The following KCNG1 variants were observed in gnomAD, a reference collection of about 807,000 sequenced individuals.
KCNG1 encodes voltage-gated potassium channel regulatory subunit KCNG1.
KCNG1 carries 17 observed loss-of-function variants against 32.4 expected under a neutral mutation model. That is an observed-to-expected ratio of 0.52 (90% CI 0.36 to 0.79). KCNG1 has a LOEUF of 0.79. Among genes scored for constraint, KCNG1 ranks in the 30% least tolerant of loss-of-function variants. KCNG1 has a pLI of 0.00. For synonymous variants in KCNG1, 358 were observed against 339.9 expected (o/e 1.05, Z -0.59); for missense variants, 441 against 735.2 (o/e 0.60, Z 4.63).
At position 51,015,848 on chromosome 20, in the gene KCNG1, A is replaced by C. The variant is rs1988263218; in HGVS notation, c.-26-5484T>G. On this transcript the variant is annotated intron_variant, in intron 1 of 2. Coordinates refer to ENST00000371571, the MANE Select transcript of KCNG1 (RefSeq NM_002237.4). This position sits in a 1 kb window ranked among gnomAD's most constrained non-coding sequence, Gnocchi z 4.4. ...ACAGGGTCCTTATTTGTGGAAAAAG[A>C]AAGCAGGAGATGGAGCGGCAGAGGG... is the stretch of plus-strand genomic sequence containing the variant. Among the ~76,000 whole-genome samples the C allele has an allele frequency of 6.6e-6, 1 of 152,186 alleles. No homozygotes were observed. The highest frequency in any genetic ancestry group is 1.5e-5 in the Non-Finnish European group (1 of 68,020).
At chr20:51,018,727 A>G (rs1988366850) in intron 1 of KCNG1, among the ~76,000 whole-genome samples, 2 of 152,178 alleles carry the variant, frequency 1.3e-5, no homozygotes, top group South Asian at 4.1e-4. Context: ...CCATTTTACA[A>G]ATGAAGAAAC....
At position 51,015,039 on chromosome 20, in the gene KCNG1, G is replaced by C. The variant is rs1988228789; in HGVS notation, c.-26-4675C>G. Among the ~76,000 whole-genome samples the C allele has an allele frequency of 6.6e-6, 1 of 152,172 alleles. No homozygotes were observed. The highest frequency in any genetic ancestry group is 6.5e-5 in the Admixed American group (1 of 15,280). On this transcript the variant is annotated intron_variant, in intron 1 of 2. Coordinates refer to ENST00000371571, the MANE Select transcript of KCNG1 (RefSeq NM_002237.4). The surrounding 1 kb of genome is among the most constrained non-coding windows in gnomAD (Gnocchi z 4.4). ...AGGGCCGAGGGGCTGACAATAAGGAGCTGGGGCTTATTCTGCAAGGGACAA... is the reference window on the plus strand; with the variant it reads ...AGGGCCGAGGGGCTGACAATAAGGACCTGGGGCTTATTCTGCAAGGGACAA...
intron 2 of KCNG1, 149 bp downstream of exon 2, chr20:51,009,416 C>A (rs979798677): frequency 4.1e-6 from 4 of 966,796 alleles, no homozygotes; most frequent in African/African-American, 3.3e-5. Flanking sequence ...GGGAGGCAGA[C>A]CATGCACACA....
Position 51,004,197 on chromosome 20 carries a change from T to G in KCNG1, c.1384A>C (p.Thr462Pro). 6.2e-7 allele frequency: 1 copy of G among 1,613,816 alleles called. No individual in the cohort carries two copies. Among genetic ancestry groups the G allele is most frequent in the Non-Finnish European group, 8.5e-7 (1 of 1,179,922 alleles). ...AGCTCCAGGTAGGAGCGGGAGAAGG[T>G]GTGGAAGATGGAGGTGACTGGGAAG... is the stretch of plus-strand genomic sequence containing the variant. ...MAFPVTSIFHTFSRSYLELKQ... is the reference protein window; with the variant it reads ...MAFPVTSIFHPFSRSYLELKQ... The change falls in exon 3 of 3, where the codon ACC becomes CCC. Residue 462 changes from threonine to proline, a missense_variant. Coordinates refer to ENST00000371571, the MANE Select transcript of KCNG1 (RefSeq NM_002237.4). The surrounding 1 kb of genome is among the most constrained non-coding windows in gnomAD (Gnocchi z 4.3).
intron 1 of KCNG1, among the ~76,000 whole-genome samples, chr20:51,020,764 G>A (rs951087985): frequency 5.9e-5 from 9 of 152,158 alleles, no homozygotes; most frequent in African/African-American, 7.2e-5. Flanking sequence ...TACCTACTGC[G>A]GCTCCAGGAG....
At chr20:51,010,887 T>C (rs1988061572) in intron 1 of KCNG1, among the ~76,000 whole-genome samples, 1 of 147,588 alleles carries the variant, frequency 6.8e-6, no homozygotes, top group African/African-American at 2.5e-5. Flanking sequence ...AGAGCAAGAC[T>C]CCATCTCAAA....
At position 51,004,831 on chromosome 20, in the gene KCNG1, G is replaced by A. The variant is rs775288907; in HGVS notation, c.775-25C>T. ...CCTGGGAGAGAGGGGAAGGGACGCCGGAGGGGTCAGCGGGCCCTCCAGGAA... is the reference window on the plus strand; with the variant it reads ...CCTGGGAGAGAGGGGAAGGGACGCCAGAGGGGTCAGCGGGCCCTCCAGGAA... On this transcript the variant is annotated intron_variant, in intron 2 of 2. Coordinates refer to ENST00000371571, the MANE Select transcript of KCNG1 (RefSeq NM_002237.4). This position sits in a 1 kb window ranked among gnomAD's most constrained non-coding sequence, Gnocchi z 4.3. 9.9e-6 allele frequency: 15 copies of A among 1,515,462 alleles called. No homozygotes were observed. The highest frequency in any genetic ancestry group is 4.7e-5 in the East Asian group (2 of 42,500). 93.9% of individuals were successfully genotyped at this position (1,515,462 alleles called of 1,614,324 possible). A position where few individuals can be genotyped will look rare whatever the true frequency, so the allele number is the denominator to read the frequency against.
Position 51,004,755 on chromosome 20 carries a change from C to T in KCNG1, c.826G>A (p.Val276Met), listed in dbSNP as rs781584436. The T allele has an allele frequency of 1.9e-6, 3 of 1,589,908 alleles. No homozygotes were observed. The highest frequency in any genetic ancestry group is 1.1e-5 in the South Asian group (1 of 87,586). ...AGGAACTCCAGGGAGAACCAGCCCA[C>T]GCACACCGACTCCACGATGAAGACG... The part of the protein sequence containing the change: ...HNVFIVESVC[V>M]GWFSLEFLLR... The change falls in exon 3 of 3, where the codon GTG (valine) becomes ATG (methionine). Residue 276 changes from valine (V) to methionine (M), a missense_variant. This residue lies in a region of KCNG1 where 169 missense variants were observed against 297.7 expected (regional missense o/e 0.57). Coordinates refer to ENST00000371571, the MANE Select transcript of KCNG1 (RefSeq NM_002237.4). The surrounding 1 kb of genome is among the most constrained non-coding windows in gnomAD (Gnocchi z 4.3).
chr20:51,009,419 T>C (rs1232164723), intron 2 of KCNG1, 146 bp downstream of exon 2: 1 of 989,980 alleles, frequency 1.0e-6, no homozygotes, highest in Non-Finnish European at 1.5e-6. Context: ...AGGCAGACCA[T>C]GCACACAAAC....
intron 1 of KCNG1, among the ~76,000 whole-genome samples, chr20:51,014,429 T>C (rs1324707091): frequency 1.3e-5 from 2 of 152,224 alleles, no homozygotes; most frequent in Non-Finnish European, 2.9e-5. Flanking sequence ...TTCTGTTAGT[T>C]CTACAGCATG....
At position 51,012,906 on chromosome 20, in the gene KCNG1, T is replaced by C. The variant is rs1469287587; in HGVS notation, c.-26-2542A>G. ...CATGTGTGTTTCCTTCCCGGCCCTATAGGCATTTGAGTTTGAGACCCTTAG... is the reference window on the plus strand; with the variant it reads ...CATGTGTGTTTCCTTCCCGGCCCTACAGGCATTTGAGTTTGAGACCCTTAG... On this transcript the variant is annotated intron_variant, in intron 1 of 2. Transcript: ENST00000371571. Among the ~76,000 whole-genome samples, 30 of 152,178 alleles carry C rather than the reference T, an allele frequency of 2.0e-4. 1 individual carries two copies. Among genetic ancestry groups the C allele is most frequent in the Admixed American group, 2.0e-3 (30 of 15,280 alleles).
intron 1 of KCNG1, 23 bp downstream of exon 1, chr20:51,022,847 G>C (rs1358639820): frequency 6.6e-6 from 1 of 152,218 alleles, no homozygotes; most frequent in East Asian, 1.9e-4. Context: ...GCCCGGCGAG[G>C]CTGCAGCGCG....
intron 1 of KCNG1, among the ~76,000 whole-genome samples, chr20:51,013,099 C>A (rs1469883239): frequency 6.6e-6 from 1 of 151,804 alleles, no homozygotes; most frequent in Non-Finnish European, 1.5e-5. Context: ...GTCAGAAGAT[C>A]GAGACCATCC....
In KCNG1 at chr20:51,005,011, C is replaced by G. The variant is rs1987773654; in HGVS notation, c.775-205G>C. 1 of 487,028 alleles carries G rather than the reference C, an allele frequency of 2.1e-6. No homozygotes were observed. The highest frequency in any genetic ancestry group is 4.0e-5 in the South Asian group (1 of 24,958). 30.2% of individuals were successfully genotyped at this position (487,028 alleles called of 1,614,324 possible). On this transcript the variant is annotated intron_variant, in intron 2 of 2. Transcript: ENST00000371571. The surrounding 1 kb of genome is among the most constrained non-coding windows in gnomAD (Gnocchi z 4.0). The stretch of plus-strand genomic sequence containing the variant: ...TCTACACTGGCCGCTCCTCATCTCT[C>G]TCTCCAGCCCCCACCTCAGCCCTGA...
At position 51,010,177 on chromosome 20, in the gene KCNG1, C is replaced by G; in HGVS notation, c.162G>C (p.Gln54His). 2 of 1,604,528 alleles carry G rather than the reference C, an allele frequency of 1.2e-6. No individual in the cohort carries two copies. The highest frequency in any genetic ancestry group is 8.5e-7 in the Non-Finnish European group (1 of 1,175,482). ...GGCGGCGGTCCTCGGGCTGACAGCC[C>G]TGGCGGGGCTCATCCTGCGGCCGCA... is the stretch of plus-strand genomic sequence containing the variant. ...QRLRPQDEPR[Q>H]GCQPEDRRRR... The change falls in exon 2 of 3, where the codon CAG (glutamine) becomes CAC (histidine). Residue 54 changes from glutamine (Q) to histidine (H), a missense_variant. By Grantham distance (24) the Gln-to-His change is conservative. Around this residue, in one of 6 missense-constraint regions of KCNG1, gnomAD observed 85 missense variants for 98.2 expected, o/e 0.87. Coordinates refer to ENST00000371571, the MANE Select transcript of KCNG1 (RefSeq NM_002237.4).
At position 51,003,990 on chromosome 20, in the gene KCNG1, A is replaced by C. The variant is rs745698692; in HGVS notation, c.*49T>G. On this transcript the variant is annotated 3_prime_UTR_variant, in exon 3 of 3. Transcript: ENST00000371571. ...TCTCCAGGCGTCTGCAGTGGATGGC[A>C]ATGGCTTCGGGCCACAGATGGCAGG... 1 of 1,581,776 alleles carries C rather than the reference A, an allele frequency of 6.3e-7. No homozygotes were observed. The highest frequency in any genetic ancestry group is 8.6e-7 in the Non-Finnish European group (1 of 1,162,664).
chr20:51,010,181 C>T lies in KCNG1; in HGVS notation c.158G>A (p.Arg53His), dbSNP rs747674837. ...AQRLRPQDEPRQGCQPEDRRR... is the reference protein window; with the variant it reads ...AQRLRPQDEPHQGCQPEDRRR... ...GCGGTCCTCGGGCTGACAGCCCTGG[C>T]GGGGCTCATCCTGCGGCCGCAGCCG... is the stretch of plus-strand genomic sequence containing the variant. The change falls in exon 2 of 3, where the codon CGC becomes CAC. Residue 53 changes from arginine to histidine, a missense_variant. This residue lies in a region of KCNG1 where 85 missense variants were observed against 98.2 expected (regional missense o/e 0.87). Transcript: ENST00000371571. The T allele has an allele frequency of 3.1e-6, 5 of 1,603,046 alleles. No individual in the cohort carries two copies. The Admixed American group carries it at 6.7e-5, about 21-fold the overall frequency.
At chr20:51,014,785 G>T (rs999740664) in intron 1 of KCNG1, among the ~76,000 whole-genome samples, 1 of 152,182 alleles carries the variant, frequency 6.6e-6, no homozygotes, top group East Asian at 1.9e-4. Flanking sequence ...TGACTATTGT[G>T]GGGTGTGGGG....
rs369689657 is a variant in KCNG1 at position 51,004,438 on chromosome 20, C to A, written c.1143G>T (p.Leu381=). 1.4e-5 allele frequency: 23 copies of A among 1,608,580 alleles called. No homozygotes were observed. The highest frequency in any genetic ancestry group is 1.9e-5 in the Non-Finnish European group (22 of 1,176,422). The change falls in exon 3 of 3, where the codon CTG becomes CTT. Residue 381 remains leucine (L), a synonymous_variant. Coordinates refer to ENST00000371571, the MANE Select transcript of KCNG1 (RefSeq NM_002237.4). This position sits in a 1 kb window ranked among gnomAD's most constrained non-coding sequence, Gnocchi z 4.3. ...RRCTREFGLL[L]LFLCVAIALF... ...GGGCGATGGCCACGCAGAGGAAGAG[C>A]AGCAGGAGCCCGAACTCGCGGGTGC...
Sources: gnomAD v4.1 joint callset for allele counts (sites outside exome capture counted in the v4.1 genomes callset) on GRCh38, gnomAD v4.1.1 for gene constraint, gnomAD v4.1.1 regional missense constraint, Gnocchi (gnomAD v3.1) non-coding constraint, MANE v1.5 for transcripts, NCBI Gene and HGNC (gene_info 2026-07-23, HGNC 2026-07-21) for gene names.